Variants in IFT74 observed in about 807,000 individuals in gnomAD.
IFT74 encodes the protein intraflagellar transport protein 74 homolog.
Under a neutral mutation model 96.7 loss-of-function variants are expected in IFT74, and 92 were observed. That is an observed-to-expected ratio of 0.95 (90% CI 0.80 to 1.13). The LOEUF is 1.13. Among genes scored for constraint, IFT74 ranks in the 50% most tolerant of loss-of-function variants. The pLI is 0.00. For missense variants in IFT74, 811 were observed against 698.2 expected (o/e 1.16, Z -1.82); for synonymous variants, 223 against 213.2 (o/e 1.05, Z -0.40).
intron 13 of IFT74, among the ~76,000 whole-genome samples, chr9:27,038,116 A>T (rs1182777469): frequency 6.6e-6 from 1 of 152,188 alleles, no homozygotes; most frequent in African/African-American, 2.4e-5. Context: ...TTACAATTGC[A>T]AATGTAGTTG....
Position 26,962,079 on chromosome 9 carries a change from G to T in IFT74, c.112G>T (p.Ala38Ser). ...ACCCCTATCAGGAAATATTCGAGTGGCAACTGCAGTAAGTTTGAAACAAAT... is the reference window on the plus strand; with the variant it reads ...ACCCCTATCAGGAAATATTCGAGTGTCAACTGCAGTAAGTTTGAAACAAAT... ...IRPLSGNIRV[A>S]TAMPPGTARP... The change falls in exon 2 of 20, where the codon GCA becomes TCA. Residue 38 changes from alanine to serine, a missense_variant. Physicochemically the swap from Ala to Ser is moderately conservative, Grantham distance 99. Transcript: ENST00000380062. 6.2e-7 allele frequency: 1 copy of T among 1,614,044 alleles called. No homozygotes were observed. Among genetic ancestry groups the T allele is most frequent in the South Asian group, 1.1e-5 (1 of 91,066 alleles).
rs73438239 is a variant in IFT74 at position 27,055,267 on chromosome 9, T to C, written c.1334-342T>C. Among the ~76,000 whole-genome samples the C allele has an allele frequency of 6.0e-3, 918 of 152,266 alleles. 14 individuals carry two copies. The highest frequency in any genetic ancestry group is 0.021 in the African/African-American group (865 of 41,556). On this transcript the variant is annotated intron_variant, in intron 16 of 19. Transcript: ENST00000380062. ...TTTATAACTTGGTTTTTTCCCTACA[T>C]AACTGTGTCATGCTTCTGTTAAAAA... is the stretch of plus-strand genomic sequence containing the variant.
chr9:26,992,218 AAAAGTT>A (rs1827918308), intron 8 of IFT74, among the ~76,000 whole-genome samples: 1 of 152,238 alleles, frequency 6.6e-6, no homozygotes, highest in Non-Finnish European at 1.5e-5. Flanking sequence ...TTTCAAGAAT[AAAAGTT>A]AAAGAATGTC....
intron 8 of IFT74, among the ~76,000 whole-genome samples, chr9:26,998,612 T>C (rs773000004): frequency 2.4e-4 from 37 of 152,206 alleles, no homozygotes; most frequent in Non-Finnish European, 4.4e-4. Context: ...AATTGCTTTA[T>C]AGTGAGGAAA....
In IFT74 at chr9:27,060,761, AC is replaced by A. The variant is rs1749370916; in HGVS notation, c.1684+113del. The A allele has an allele frequency of 6.6e-6, 4 of 606,858 alleles. No individual in the cohort carries two copies. In the South Asian group the frequency reaches 1.0e-4, roughly 16 times the overall value. 37.6% of individuals were successfully genotyped at this position (606,858 alleles called of 1,614,324 possible). Reference sequence around the variant, plus strand: ...GCCACAAGGTCAGGAGATTGAGACCACCCTGGCTAACACGGTGAAACCCCAT... The same window carrying A: ...GCCACAAGGTCAGGAGATTGAGACCACCTGGCTAACACGGTGAAACCCCAT... On this transcript the variant is annotated intron_variant, in intron 19 of 19. Coordinates refer to ENST00000380062, the MANE Select transcript of IFT74 (RefSeq NM_025103.4).
chr9:27,055,722 A>G lies in IFT74; in HGVS notation c.1447A>G (p.Ile483Val), dbSNP rs2131703141. The change falls in exon 17 of 20, where the codon ATA (isoleucine) becomes GTA (valine). Residue 483 changes from isoleucine to valine, a missense_variant. Transcript: ENST00000380062. Reference protein sequence around the residue: ...KIKQMTTDLEIYNDLPALKSS... With the variant: ...KIKQMTTDLEVYNDLPALKSS... The stretch of plus-strand genomic sequence containing the variant: ...TAAGCAAATGACAACTGATCTGGAG[A>G]TATATAATGATTTGCCAGCTTTAAA... 7 of 1,576,114 alleles carry G rather than the reference A, an allele frequency of 4.4e-6. No individual in the cohort carries two copies. The highest frequency in any genetic ancestry group is 6.0e-6 in the Non-Finnish European group (7 of 1,165,888).
chr9:26,980,300 A>AT (rs1241457724), intron 3 of IFT74, among the ~76,000 whole-genome samples: 2 of 152,054 alleles, frequency 1.3e-5, no homozygotes, highest in Non-Finnish European at 2.9e-5. Flanking sequence ...CTTAGACTCA[A>AT]TTTTCATTCC....
At chr9:26,970,460 A>C (rs142323424) in intron 2 of IFT74, among the ~76,000 whole-genome samples, 1 of 152,214 alleles carries the variant, frequency 6.6e-6, no homozygotes, top group Non-Finnish European at 1.5e-5. Context: ...TATATTATGA[A>C]TATGTGGCCA....
chr9:26,984,684 C>A (rs1219004080), intron 6 of IFT74, 125 bp downstream of exon 6: 1 of 660,720 alleles, frequency 1.5e-6, no homozygotes. Context: ...AAACATGCAG[C>A]CAACAAGCAT....
intron 8 of IFT74, among the ~76,000 whole-genome samples, chr9:26,996,915 A>G (rs1412012741): frequency 6.6e-6 from 1 of 152,170 alleles, no homozygotes; most frequent in Non-Finnish European, 1.5e-5. Context: ...CATGTATAGA[A>G]CATTTACATT....
intron 12 of IFT74, among the ~76,000 whole-genome samples, 172 bp downstream of exon 12, chr9:27,018,859 G>C (rs2131621617): frequency 6.6e-6 from 1 of 151,972 alleles, no homozygotes; most frequent in Admixed American, 6.6e-5. Flanking sequence ...TCTTTATTAA[G>C]ATATACTTTA....
chr9:26,962,769 T>A (rs1238265794), intron 2 of IFT74, among the ~76,000 whole-genome samples: 4 of 151,896 alleles, frequency 2.6e-5, no homozygotes, highest in Admixed American at 2.6e-4. Flanking sequence ...ATGACAGAAA[T>A]AACAAGTACT....
chr9:26,987,223 G>C (rs1029732552), intron 6 of IFT74, among the ~76,000 whole-genome samples: 2 of 151,498 alleles, frequency 1.3e-5, no homozygotes, highest in African/African-American at 4.9e-5. Flanking sequence ...TTACAGGTGC[G>C]GTCCTGAGTA....
At chr9:27,028,414 C>T (rs1829972332) in intron 12 of IFT74, among the ~76,000 whole-genome samples, 1 of 152,134 alleles carries the variant, frequency 6.6e-6, no homozygotes, top group South Asian at 2.1e-4. Flanking sequence ...CTGTTTAACT[C>T]AGGCAACTAG....
At chr9:26,995,041 CTA>C (rs1017776871) in intron 8 of IFT74, 1 of 152,274 alleles carries the variant, frequency 6.6e-6, no homozygotes, top group African/African-American at 2.4e-5. Flanking sequence ...TTTTCCAACT[CTA>C]TGATTTTATT....
intron 8 of IFT74, chr9:26,997,662 GA>G: frequency 6.7e-7 from 1 of 1,492,338 alleles, no homozygotes; most frequent in Non-Finnish European, 9.0e-7. Context: ...CGTGATATGA[GA>G]GATTTTTCTG....
intron 2 of IFT74, chr9:26,976,485 C>T (rs1827133889): frequency 7.1e-6 from 2 of 283,456 alleles, no homozygotes; most frequent in Admixed American, 4.5e-5. Flanking sequence ...ACTGCACAAT[C>T]TAAACTAGAC....
intron 12 of IFT74, among the ~76,000 whole-genome samples, chr9:27,020,303 T>G (rs1829538136): frequency 6.6e-6 from 1 of 152,150 alleles, no homozygotes; most frequent in Admixed American, 6.5e-5. Flanking sequence ...TCAGCTGAAT[T>G]GCAGCCCGTG....
chr9:27,001,220 G>C (rs1828468007), intron 8 of IFT74, among the ~76,000 whole-genome samples: 1 of 152,008 alleles, frequency 6.6e-6, no homozygotes, highest in African/African-American at 2.4e-5. Context: ...TGGGCACTTA[G>C]GTTGATTCCA....
Sources: gnomAD v4.1 joint callset for allele counts (sites outside exome capture counted in the v4.1 genomes callset) on GRCh38, gnomAD v4.1.1 for gene constraint, MANE v1.5 for transcripts, NCBI Gene and HGNC (gene_info 2026-07-23, HGNC 2026-07-21) for gene names.